USP34: variants seen among roughly 807,000 people sequenced by gnomAD.
USP34 encodes ubiquitin carboxyl-terminal hydrolase 34.
Under a neutral mutation model 460.3 loss-of-function variants are expected in USP34, and 70 were observed. The observed-to-expected ratio is 0.15, with a 90% CI of 0.13 to 0.19. The LOEUF (loss-of-function observed/expected upper bound fraction) is 0.19. USP34 is among the 10% of genes least tolerant of loss of function. The pLI is 1.00. For synonymous variants in USP34, 1,647 were observed against 1,405.3 expected (o/e 1.17, Z -3.85); for missense variants, 3,985 against 4,236.2 (o/e 0.94, Z 1.65).
chr2:61,217,911 C>T (rs536265543), intron 67 of USP34, among the ~76,000 whole-genome samples: 9 of 152,114 alleles, frequency 5.9e-5, no homozygotes, highest in South Asian at 2.1e-4. Context: ...GCCGAGATCA[C>T]GCCACTACAC....
intron 27 of USP34, 52 bp downstream of exon 27, chr2:61,311,488 A>AAGAGAAAAAG: frequency 1.3e-6 from 2 of 1,524,752 alleles, no homozygotes; most frequent in East Asian, 2.3e-5. Context: ...GAGAAAGAGA[A>AAGAGAAAAAG]AAAGAAAGAA....
chr2:61,265,913 A>AAAC, intron 42 of USP34, 71 bp downstream of exon 42: 1 of 1,376,664 alleles, frequency 7.3e-7, no homozygotes, highest in Non-Finnish European at 9.7e-7. Context: ...TTCTTTTGTT[A>AAAC]AACAGTGCCC....
chr2:61,223,364 T>G, intron 62 of USP34, 68 bp from the exon 63 acceptor site: 2 of 1,458,452 alleles, frequency 1.4e-6, no homozygotes, highest in Non-Finnish European at 1.9e-6. Context: ...ATTTACAACA[T>G]GTATCAAAAA....
At chr2:61,224,591 A>G (rs1331425372) in intron 62 of USP34, among the ~76,000 whole-genome samples, 1 of 152,154 alleles carries the variant, frequency 6.6e-6, no homozygotes, top group Non-Finnish European at 1.5e-5. Flanking sequence ...CTTCCCCTCA[A>G]TCACCATTTG....
At chr2:61,384,323 C>T (rs1045801090) in intron 5 of USP34, among the ~76,000 whole-genome samples, 1 of 152,060 alleles carries the variant, frequency 6.6e-6, no homozygotes, top group African/African-American at 2.4e-5. Flanking sequence ...CCTAACCCAA[C>T]CAATCAAACA....
chr2:61,237,251 G>A (rs1014283538), intron 53 of USP34, among the ~76,000 whole-genome samples: 3 of 152,110 alleles, frequency 2.0e-5, no homozygotes, highest in African/African-American at 7.2e-5. Context: ...ATCAGGCAGA[G>A]TCTGATAGCA....
In USP34 at chr2:61,235,786, A is replaced by AG. The variant is rs141163420; in HGVS notation, c.7032+58dup. The AG allele has an allele frequency of 3.4e-3, 5,229 of 1,538,774 alleles. 123 individuals are homozygous for AG. In the African/African-American group the frequency reaches 0.061, roughly 18 times the overall value. On this transcript the variant is annotated intron_variant, in intron 57 of 79. Coordinates refer to ENST00000398571, the MANE Select transcript of USP34 (RefSeq NM_014709.4). ...ACTCTGCTGTAGCATCTTAGATCAG[A>AG]GGGGGGGAAAAAAAAAAGAATCTTA...
intron 76 of USP34, among the ~76,000 whole-genome samples, chr2:61,191,773 C>T (rs949510208): frequency 6.6e-6 from 1 of 152,164 alleles, no homozygotes; most frequent in Admixed American, 6.5e-5. Flanking sequence ...CAAGAAACTA[C>T]CCAAATCAGG....
chr2:61,360,785 A>G (rs1281405482), intron 10 of USP34, among the ~76,000 whole-genome samples: 1 of 152,118 alleles, frequency 6.6e-6, no homozygotes, highest in Non-Finnish European at 1.5e-5. Flanking sequence ...CCTCCCAAGT[A>G]GCTGGGACTA....
intron 38 of USP34, among the ~76,000 whole-genome samples, 189 bp from the exon 39 acceptor site, chr2:61,280,537 G>GT (rs764179895): frequency 2.5e-4 from 38 of 151,948 alleles, no homozygotes; most frequent in Admixed American, 1.6e-3. Flanking sequence ...AATGACAAAC[G>GT]TAAGAACTTT....
At chr2:61,320,844 T>C (rs1006122245) in intron 21 of USP34, among the ~76,000 whole-genome samples, 3 of 152,126 alleles carry the variant, frequency 2.0e-5, no homozygotes, top group East Asian at 1.9e-4. Flanking sequence ...ACCCCGTCTC[T>C]ACTAAAAATA....
At chr2:61,241,950 C>T (rs551436913) in intron 51 of USP34, 131 bp from the exon 52 acceptor site, 77 of 506,830 alleles carry the variant, frequency 1.5e-4, no homozygotes, top group African/African-American at 7.7e-4. Flanking sequence ...CAAACACCGC[C>T]GCCTTCATAA....
chr2:61,410,425 T>C (rs1195893322), intron 2 of USP34, among the ~76,000 whole-genome samples: 3 of 152,194 alleles, frequency 2.0e-5, no homozygotes, highest in Non-Finnish European at 4.4e-5. Flanking sequence ...CAATGGGGAA[T>C]GGCTGTAAAT....
At chr2:61,325,332 T>A in intron 21 of USP34, 43 bp downstream of exon 21, 1 of 1,285,428 alleles carries the variant, frequency 7.8e-7, no homozygotes, top group Non-Finnish European at 1.1e-6. Context: ...GTTCTTCCAA[T>A]AGTCAAAACA....
chr2:61,283,322 A>C, intron 36 of USP34, 53 bp from the exon 37 acceptor site: 1 of 1,589,676 alleles, frequency 6.3e-7, no homozygotes, highest in East Asian at 2.3e-5. Context: ...CTAAAATGAA[A>C]ACACAATGTT....
chr2:61,442,417 A>AG (rs1553392275), intron 1 of USP34, among the ~76,000 whole-genome samples: 2 of 151,670 alleles, frequency 1.3e-5, no homozygotes, highest in African/African-American at 2.4e-5. Flanking sequence ...AAAAAAAAAA[A>AG]AAAAGAAAAA....
rs1687278876 is a variant in USP34 at position 61,211,762 on chromosome 2, A to T, written c.8840+10T>A. ...AAATAAACAAGACAAAACTAAAAAC[A>T]TCTTTTTACCTTATTAAAGTAGTCC... On this transcript the variant is annotated intron_variant, in intron 69 of 79. Transcript: ENST00000398571. The T allele has an allele frequency of 6.4e-7, 1 of 1,552,038 alleles. No homozygotes were observed. Among genetic ancestry groups the T allele is most frequent in the Non-Finnish European group, 8.6e-7 (1 of 1,159,710 alleles).
At chr2:61,388,417 A>T (rs1478216960) in intron 5 of USP34, among the ~76,000 whole-genome samples, 1 of 150,950 alleles carries the variant, frequency 6.6e-6, no homozygotes, top group Non-Finnish European at 1.5e-5. Context: ...AAGTTTGAAA[A>T]TATGCATACT....
chr2:61,376,589 T>TG (rs1205040505), intron 8 of USP34, among the ~76,000 whole-genome samples: 2 of 151,960 alleles, frequency 1.3e-5, no homozygotes, highest in African/African-American at 4.8e-5. Context: ...CTCGCGGAGG[T>TG]GGAGGGGTGA....
Sources: gnomAD v4.1 joint callset for allele counts (sites outside exome capture counted in the v4.1 genomes callset) on GRCh38, gnomAD v4.1.1 for gene constraint, MANE v1.5 for transcripts, NCBI Gene and HGNC (gene_info 2026-07-23, HGNC 2026-07-21) for gene names.